The following ERF variants were observed in gnomAD, a reference collection of about 807,000 sequenced individuals.
ERF encodes ETS domain-containing transcription factor ERF.
Under a neutral mutation model 41.6 loss-of-function variants are expected in ERF, and 10 were observed. That is an observed-to-expected ratio of 0.24 (90% CI 0.15 to 0.41). The LOEUF is 0.41. Ranked by LOEUF, ERF falls within the 10% of genes least tolerant of loss-of-function variation. The pLI is 1.00. For synonymous variants in ERF, 395 were observed against 342.4 expected (o/e 1.15, Z -1.70); for missense variants, 621 against 763.2 (o/e 0.81, Z 2.19).
At chr19:42,254,935 C>G in intron 1 of ERF, 43 bp downstream of exon 1, 1 of 1,517,406 alleles carries the variant, frequency 6.6e-7, no homozygotes, top group South Asian at 1.3e-5. Context: ...TTCGGTTTCC[C>G]GGGGCAACAA....
chr19:42,249,017 C>T lies in ERF; in HGVS notation c.1095G>A (p.Ser365=), dbSNP rs577264310. Residue 365 remains serine, a synonymous_variant, in exon 4 of 4, where the codon TCG becomes TCA. Transcript: ENST00000222329. The surrounding 1 kb of genome is among the most constrained non-coding windows in gnomAD (Gnocchi z 8.6). ...GGGAGGAAGAAGAAGAAGAGGATGA[C>T]GAGGCCGAGGAGGGGACCGGTGGGG... The part of the protein sequence containing the change: ...PETPPVPSSA[S]SSSSSSSSPF... 8.7e-6 allele frequency: 14 copies of T among 1,610,466 alleles called. No individual in the cohort carries two copies. Among genetic ancestry groups the T allele is most frequent in the African/African-American group, 2.7e-5 (2 of 75,004 alleles).
At chr19:42,253,778 ATGGGAATGGGG>A (rs563716200) in intron 1 of ERF, 44,354 of 695,600 alleles carry the variant, frequency 0.064, 1,657 homozygotes, top group South Asian at 0.18. Flanking sequence ...GGGGATGGGG[ATGGGAATGGGG>A]TGGGAATGGG....
At position 42,248,066 on chromosome 19, in the gene ERF, G is replaced by A. The variant is rs1036812987; in HGVS notation, c.*399C>T. The A allele has an allele frequency of 4.9e-5, 8 of 164,356 alleles. No homozygotes were observed. The highest frequency in any genetic ancestry group is 1.9e-4 in the African/African-American group (8 of 41,934). The allele number at this position is 164,356 out of a possible 1,614,324, so 10.2% of individuals were successfully genotyped here. On this transcript the variant is annotated 3_prime_UTR_variant, in exon 4 of 4. Transcript: ENST00000222329. This position sits in a 1 kb window ranked among gnomAD's most constrained non-coding sequence, Gnocchi z 4.2. ...GTGGGGCAGAGCGGGTGGGTCAGAG[G>A]GGTACAAGAGGCAGAGAACAGGGAG...
chr19:42,254,258 C>A (rs2036497661), intron 1 of ERF, among the ~76,000 whole-genome samples: 1 of 151,704 alleles, frequency 6.6e-6, no homozygotes, highest in Non-Finnish European at 1.5e-5. Context: ...TCTCCCCCCA[C>A]CTTCCCCACC....
chr19:42,253,758 C>G, intron 1 of ERF: 1 of 640,150 alleles, frequency 1.6e-6, no homozygotes, highest in Non-Finnish European at 1.9e-6. Context: ...CGCCCCCACC[C>G]GCCGAGCAGG....
At chr19:42,251,354 CCCTGCCCACCTG>C (rs2036442035) in intron 1 of ERF, 3 of 985,656 alleles carry the variant, frequency 3.0e-6, no homozygotes, top group Middle Eastern at 5.2e-4. Context: ...TCAGCTCCTT[CCCTGCCCACCTG>C]CCTGCCCACC....
Position 42,249,003 on chromosome 19 carries a change from G to C in ERF, c.1109C>G (p.Ser370Cys). ...VPSSASSSSS[S>C]SSSPFKFKLQ... The stretch of plus-strand genomic sequence containing the variant: ...CTTAAACTTGAATGGGGAGGAAGAA[G>C]AAGAAGAGGATGACGAGGCCGAGGA... The change falls in exon 4 of 4, where the codon TCT (serine) becomes TGT (cysteine). Residue 370 changes from serine to cysteine, a missense_variant. Around this residue, in one of 3 missense-constraint regions of ERF, gnomAD observed 569 missense variants for 625.5 expected, o/e 0.91. Transcript: ENST00000222329. This position sits in a 1 kb window ranked among gnomAD's most constrained non-coding sequence, Gnocchi z 8.6. The C allele has an allele frequency of 1.2e-6, 2 of 1,609,748 alleles. No individual in the cohort carries two copies. The highest frequency in any genetic ancestry group is 1.7e-6 in the Non-Finnish European group (2 of 1,179,062).
rs1428922449 is a variant in ERF at position 42,250,246 on chromosome 19, C to A, written c.257+85G>T. 1 of 1,488,844 alleles carries A rather than the reference C, an allele frequency of 6.7e-7. No individual in the cohort carries two copies. Among genetic ancestry groups the A allele is most frequent in the African/African-American group, 1.4e-5 (1 of 72,502 alleles). The allele number at this position is 1,488,844 out of a possible 1,614,324, so 92.2% of individuals were successfully genotyped here. A position where few individuals can be genotyped will look rare whatever the true frequency, so the allele number is the denominator to read the frequency against. On this transcript the variant is annotated intron_variant, in intron 2 of 3. Coordinates refer to ENST00000222329, the MANE Select transcript of ERF (RefSeq NM_006494.4). This position sits in a 1 kb window ranked among gnomAD's most constrained non-coding sequence, Gnocchi z 5.1. ...GATTTGGCAAAGCCAGGGGTCAGAC[C>A]CAATGCTTGTTCCCACAGGCAAGGG...
In ERF at chr19:42,248,894, T is replaced by C. The variant is rs2036384755; in HGVS notation, c.1218A>G (p.Ala406=). The change falls in exon 4 of 4, where the codon GCA becomes GCG. Residue 406 remains alanine, a synonymous_variant. Transcript: ENST00000222329. The surrounding 1 kb of genome is among the most constrained non-coding windows in gnomAD (Gnocchi z 4.2). ...VAGADKSGGS[A]GGLAEGAGAL... is the part of the protein sequence containing the mutation. ...CCCCTGCCCCCTCAGCCAGCCCGCC[T>C]GCACTGCCACCGCTCTTGTCAGCAC... is the stretch of plus-strand genomic sequence containing the variant. 4 of 1,606,568 alleles carry C rather than the reference T, an allele frequency of 2.5e-6. No individual in the cohort carries two copies. The highest frequency in any genetic ancestry group is 3.4e-6 in the Non-Finnish European group (4 of 1,178,654).
rs1233189324 is a variant in ERF, at chr19:42,248,647, T to C, written c.1465A>G (p.Ser489Gly). 2 of 1,599,854 alleles carry C rather than the reference T, an allele frequency of 1.3e-6. No homozygotes were observed. Among genetic ancestry groups the C allele is most frequent in the Non-Finnish European group, 1.7e-6 (2 of 1,170,808 alleles). Residue 489 changes from serine (S) to glycine (G), a missense_variant, in exon 4 of 4, where the codon AGT becomes GGT. Ser to Gly is a moderately conservative substitution (Grantham distance 56, BLOSUM62 0). This residue lies in a region of ERF where 569 missense variants were observed against 625.5 expected (regional missense o/e 0.91). Coordinates refer to ENST00000222329, the MANE Select transcript of ERF (RefSeq NM_006494.4). The surrounding 1 kb of genome is among the most constrained non-coding windows in gnomAD (Gnocchi z 4.2). Reference sequence around the variant, plus strand: ...CCCCCTTCGAGGCGACAGTCTTCACTCCAGCGCCGCTTAAAGCGTAGCTTG... The same window carrying C: ...CCCCCTTCGAGGCGACAGTCTTCACCCCAGCGCCGCTTAAAGCGTAGCTTG... ...PLKLRFKRRW[S>G]EDCRLEGGGG...
At chr19:42,254,636 A>C in intron 1 of ERF, 3 of 211,884 alleles carry the variant, frequency 1.4e-5, no homozygotes, top group Non-Finnish European at 2.8e-5. Context: ...CGCCCCGCAC[A>C]CGTCCCGGCC....
chr19:42,251,293 G>A (rs1411988589), intron 1 of ERF: 5 of 985,972 alleles, frequency 5.1e-6, no homozygotes, highest in East Asian at 2.3e-4. Flanking sequence ...CCTGGAGCTT[G>A]AGCAGGCACC....
rs2036420276 is a variant in ERF at position 42,250,177 on chromosome 19, G to A, written c.257+154C>T. On this transcript the variant is annotated intron_variant, in intron 2 of 3. Coordinates refer to ENST00000222329, the MANE Select transcript of ERF (RefSeq NM_006494.4). The surrounding 1 kb of genome is among the most constrained non-coding windows in gnomAD (Gnocchi z 5.1). Reference sequence around the variant, plus strand: ...CTCAGGATACGTCTGTGTTACCAAGGGGCTCAGGGAAGGGCTGGGAGTGGC... The same window carrying A: ...CTCAGGATACGTCTGTGTTACCAAGAGGCTCAGGGAAGGGCTGGGAGTGGC... The A allele has an allele frequency of 3.5e-6, 3 of 852,894 alleles. No homozygotes were observed. Among genetic ancestry groups the A allele is most frequent in the South Asian group, 1.7e-5 (1 of 59,432 alleles). 52.8% of individuals were successfully genotyped at this position (852,894 alleles called of 1,614,324 possible).
Position 42,255,074 on chromosome 19 carries a change from GCGCCCGTCGGGCCGCCCT to G in ERF, c.-93_-76del. Reference sequence around the variant, plus strand: ...CGCCCTCGCTGCCCCGTCCCGTCCCGCGCCCGTCGGGCCGCCCTCGCCGCCTCACCCGGCCTCGCCTCT... The same window carrying G: ...CGCCCTCGCTGCCCCGTCCCGTCCCGCGCCGCCTCACCCGGCCTCGCCTCT... On this transcript the variant is annotated 5_prime_UTR_variant, in exon 1 of 4. Transcript: ENST00000222329. The G allele has an allele frequency of 8.1e-7, 1 of 1,227,694 alleles. No individual in the cohort carries two copies. The highest frequency in any genetic ancestry group is 3.7e-5 in the South Asian group (1 of 27,166). 76.1% of individuals were successfully genotyped at this position (1,227,694 alleles called of 1,614,324 possible). A position where few individuals can be genotyped will look rare whatever the true frequency, so the allele number is the denominator to read the frequency against.
At position 42,249,282 on chromosome 19, in the gene ERF, T is replaced by C. The variant is rs753014847; in HGVS notation, c.830A>G (p.Tyr277Cys). The C allele has an allele frequency of 2.6e-5, 41 of 1,606,042 alleles. No individual in the cohort carries two copies. Among genetic ancestry groups the C allele is most frequent in the Non-Finnish European group, 3.1e-5 (37 of 1,176,368 alleles). ...CGGGCTCAGCGTGGGCGAGGGAGTG[T>C]AGGCCAGGTGGGTGGGCGTCATGGG... ...ALPMTPTHLA[Y>C]TPSPTLSPMY... The change falls in exon 4 of 4, where the codon TAC becomes TGC. Residue 277 changes from tyrosine to cysteine, a missense_variant. This residue lies in a region of ERF where 569 missense variants were observed against 625.5 expected (regional missense o/e 0.91). Coordinates refer to ENST00000222329, the MANE Select transcript of ERF (RefSeq NM_006494.4). The surrounding 1 kb of genome is among the most constrained non-coding windows in gnomAD (Gnocchi z 8.6).
intron 1 of ERF, among the ~76,000 whole-genome samples, chr19:42,252,783 C>T (rs2036465975): frequency 6.6e-6 from 1 of 152,082 alleles, no homozygotes; most frequent in Admixed American, 6.6e-5. Flanking sequence ...GGGCTCTGTT[C>T]CCCAGGCCTT....
rs1167772860 is a variant in ERF, at chr19:42,248,388, C to T, written c.*77G>A. ...GAAGAGACAAGAGAGCTGCCCTCAC[C>T]TCCAGGGCATAGGGGGCTTAAGGCA... is the stretch of plus-strand genomic sequence containing the variant. On this transcript the variant is annotated 3_prime_UTR_variant, in exon 4 of 4. Coordinates refer to ENST00000222329, the MANE Select transcript of ERF (RefSeq NM_006494.4). This position sits in a 1 kb window ranked among gnomAD's most constrained non-coding sequence, Gnocchi z 4.2. The T allele has an allele frequency of 1.6e-6, 2 of 1,288,850 alleles. No homozygotes were observed. The highest frequency in any genetic ancestry group is 2.0e-6 in the Non-Finnish European group (2 of 988,048). 79.8% of individuals were successfully genotyped at this position (1,288,850 alleles called of 1,614,324 possible).
intron 1 of ERF, among the ~76,000 whole-genome samples, chr19:42,254,261 T>TC (rs1003571623): frequency 1.1e-4 from 16 of 150,544 alleles, no homozygotes; most frequent in Non-Finnish European, 2.1e-4. Context: ...CCCCCCACCT[T>TC]CCCCACCCTC....
rs748637522 is a variant in ERF, at chr19:42,249,572, G to A, written c.540C>T (p.Arg180=). 1 of 1,613,566 alleles carries A rather than the reference G, an allele frequency of 6.2e-7. No homozygotes were observed. The highest frequency in any genetic ancestry group is 8.5e-7 in the Non-Finnish European group (1 of 1,179,976). ...SSLFSAVVAR[R]LGRGSVSDCS... ...AGTCACTGACTGAGCCTCGGCCCAG[G>A]CGGCGGGCCACCACAGCCGAGAAGA... The change falls in exon 4 of 4, where the codon CGC becomes CGT. Residue 180 remains arginine, a synonymous_variant. Transcript: ENST00000222329. This position sits in a 1 kb window ranked among gnomAD's most constrained non-coding sequence, Gnocchi z 8.6.
Sources: gnomAD v4.1 joint callset for allele counts (sites outside exome capture counted in the v4.1 genomes callset) on GRCh38, gnomAD v4.1.1 for gene constraint, gnomAD v4.1.1 regional missense constraint, Gnocchi (gnomAD v3.1) non-coding constraint, MANE v1.5 for transcripts, NCBI Gene and HGNC (gene_info 2026-07-23, HGNC 2026-07-21) for gene names.